The following PEX14 variants were observed in gnomAD, a reference collection of about 807,000 sequenced individuals.
PEX14 encodes peroxisomal biogenesis factor 14, also known as peroxisomal membrane protein PEX14.
A neutral mutation model predicts 49.5 loss-of-function variants in PEX14; 15 were observed. The observed-to-expected ratio is 0.30, with a 90% CI of 0.20 to 0.47. The LOEUF (loss-of-function observed/expected upper bound fraction) is 0.47, where lower values mean the gene tolerates loss of function less well. Among genes scored for constraint, PEX14 ranks in the 20% least tolerant of loss-of-function variants. PEX14 has a pLI of 1.00. For synonymous variants in PEX14, 210 were observed against 212.7 expected, an observed-to-expected ratio of 0.99 and a Z score of 0.11; for missense variants, 398 against 494.8, an observed-to-expected ratio of 0.80 and a Z score of 1.86.
Position 10,558,952 on chromosome 1 carries a change from T to G in PEX14, c.169+22655T>G, listed in dbSNP as rs1472114493. On this transcript the variant is annotated intron_variant, in intron 3 of 8. Coordinates refer to ENST00000356607, the MANE Select transcript of PEX14 (RefSeq NM_004565.3). The stretch of plus-strand genomic sequence containing the variant: ...TTAATTTATTCTTCTTGCTTTAGGA[T>G]ATTTATTTCCATTATATTTTCTAAT... Among the ~76,000 whole-genome samples the G allele has an allele frequency of 4.6e-5, 7 of 152,272 alleles. No individual in the cohort carries two copies. The South Asian group carries it at 6.2e-4, about 14-fold the overall frequency.
rs1641571867 is a variant in PEX14, at chr1:10,620,976, C to CA, written c.385-2042dup. 2.0e-5 allele frequency among the ~76,000 whole-genome samples: 3 copies of CA among 152,336 alleles called. No homozygotes were observed. The South Asian group carries it at 6.2e-4, about 32-fold the overall frequency. On this transcript the variant is annotated intron_variant, in intron 5 of 8. Transcript: ENST00000356607. ...GGCTGTAATGAGCAGTAGGCACTGT[C>CA]ACATGGCCACCCATGGAGGGCCTGT...
intron 2 of PEX14, among the ~76,000 whole-genome samples, chr1:10,505,212 G>A (rs1225544399): frequency 6.6e-6 from 1 of 152,182 alleles, no homozygotes; most frequent in Non-Finnish European, 1.5e-5. Flanking sequence ...GCTCACACCT[G>A]TAATCCCAGC....
rs1414084032 is a variant in PEX14 at position 10,624,444 on chromosome 1, GTC to G, written c.585+11_585+12del. 5 of 1,588,110 alleles carry G rather than the reference GTC, an allele frequency of 3.1e-6. No homozygotes were observed. In the East Asian group the frequency reaches 6.7e-5, roughly 21 times the overall value. On this transcript the variant is annotated splice_region_variant and intron_variant, in intron 7 of 8. Coordinates refer to ENST00000356607, the MANE Select transcript of PEX14 (RefSeq NM_004565.3). ...CGAGCTGGCCGCTGCCAAGGTACCTGTCTCTGCTGCACAGGGCCCTCCAGGCC... is the reference window on the plus strand; with the variant it reads ...CGAGCTGGCCGCTGCCAAGGTACCTGTCTGCTGCACAGGGCCCTCCAGGCC...
intron 2 of PEX14, among the ~76,000 whole-genome samples, chr1:10,518,373 G>A (rs1642007594): frequency 6.6e-6 from 1 of 152,136 alleles, no homozygotes; most frequent in South Asian, 2.1e-4. Flanking sequence ...TGGCAAACCC[G>A]ATGCCAGGGG....
intron 3 of PEX14, among the ~76,000 whole-genome samples, chr1:10,555,630 C>T (rs1409648397): frequency 9.9e-5 from 10 of 101,116 alleles, no homozygotes; most frequent in African/African-American, 3.0e-4. Context: ...AGAGCAGAGC[C>T]GGCAAGGTGT....
chr1:10,625,493 A>G (rs1317258711), intron 7 of PEX14, among the ~76,000 whole-genome samples: 1 of 152,218 alleles, frequency 6.6e-6, no homozygotes, highest in Non-Finnish European at 1.5e-5. Flanking sequence ...CAATCTTTCC[A>G]TGGAGTCTGG....
chr1:10,511,085 GCAGAGCT>G (rs59003011), intron 2 of PEX14, among the ~76,000 whole-genome samples: 38,475 of 151,908 alleles, frequency 0.25, 5,329 homozygotes, highest in Admixed American at 0.33. Context: ...TGTGCAGGCA[GCAGAGCT>G]GCTGGTTTGT....
At chr1:10,621,774 C>T (rs749971239) in intron 5 of PEX14, among the ~76,000 whole-genome samples, 81 of 152,130 alleles carry the variant, frequency 5.3e-4, no homozygotes, top group Non-Finnish European at 8.5e-4. Flanking sequence ...ATAGAAAATG[C>T]GTCTATACAT....
rs1239987165 is a variant in PEX14 at position 10,539,315 on chromosome 1, C to A, written c.169+3018C>A. ...AGATCTCTTTCGGATGCTTTAAAATCTGAACATGGAGCCATTAATGAGAAA... is the reference window on the plus strand; with the variant it reads ...AGATCTCTTTCGGATGCTTTAAAATATGAACATGGAGCCATTAATGAGAAA... On this transcript the variant is annotated intron_variant, in intron 3 of 8. Coordinates refer to ENST00000356607, the MANE Select transcript of PEX14 (RefSeq NM_004565.3). The surrounding 1 kb of genome is among the most constrained non-coding windows in gnomAD (Gnocchi z 4.6). Among the ~76,000 whole-genome samples, 3 of 152,080 alleles carry A rather than the reference C, an allele frequency of 2.0e-5. No homozygotes were observed. Among genetic ancestry groups the A allele is most frequent in the African/African-American group, 7.2e-5 (3 of 41,388 alleles).
rs1641895775 is a variant in PEX14, at chr1:10,512,132, G to A, written c.84+16811G>A. Among the ~76,000 whole-genome samples the A allele has an allele frequency of 6.6e-6, 1 of 151,986 alleles. No individual in the cohort carries two copies. The highest frequency in any genetic ancestry group is 2.1e-4 in the South Asian group (1 of 4,814). ...CTGCCCCCACGCTCGGCTAATTTTG[G>A]TATTTTTAGTAGAGACAGGGTTTCA... On this transcript the variant is annotated intron_variant, in intron 2 of 8. Coordinates refer to ENST00000356607, the MANE Select transcript of PEX14 (RefSeq NM_004565.3). The surrounding 1 kb of genome is among the most constrained non-coding windows in gnomAD (Gnocchi z 4.6).
rs77708037 is a variant in PEX14, at chr1:10,588,997, G to A, written c.170-10241G>A. 9.3e-3 allele frequency among the ~76,000 whole-genome samples: 1,422 copies of A among 152,304 alleles called. 6 individuals are homozygous for A. Among genetic ancestry groups the A allele is most frequent in the Non-Finnish European group, 0.015 (998 of 68,034 alleles). On this transcript the variant is annotated intron_variant, in intron 3 of 8. Coordinates refer to ENST00000356607, the MANE Select transcript of PEX14 (RefSeq NM_004565.3). ...CTGTGGTTTCAGGCATTCGCTGAGTGTCTTGGAATGAATCCCCCCACAGAT... is the reference window on the plus strand; with the variant it reads ...CTGTGGTTTCAGGCATTCGCTGAGTATCTTGGAATGAATCCCCCCACAGAT...
At chr1:10,563,747 C>T (rs932943358) in intron 3 of PEX14, among the ~76,000 whole-genome samples, 2 of 151,926 alleles carry the variant, frequency 1.3e-5, no homozygotes, top group African/African-American at 4.8e-5. Flanking sequence ...CCCGTCTCTA[C>T]TAAAAATGCA....
At position 10,591,091 on chromosome 1, in the gene PEX14, A is replaced by G. The variant is rs72641432; in HGVS notation, c.170-8147A>G. Among the ~76,000 whole-genome samples the G allele has an allele frequency of 8.3e-3, 1,269 of 152,326 alleles. 9 individuals carry two copies. The highest frequency in any genetic ancestry group is 0.011 in the Non-Finnish European group (745 of 68,020). Reference sequence around the variant, plus strand: ...ATCAGGCTGTTTCAAAGAACATATGAGACGGCGTATGGCTAGCCCTCCCAT... The same window carrying G: ...ATCAGGCTGTTTCAAAGAACATATGGGACGGCGTATGGCTAGCCCTCCCAT... On this transcript the variant is annotated intron_variant, in intron 3 of 8. Transcript: ENST00000356607.
intron 1 of PEX14, among the ~76,000 whole-genome samples, chr1:10,490,700 CT>C (rs34914348): frequency 0.024 from 3,223 of 132,572 alleles, 101 homozygotes; most frequent in African/African-American, 0.079. Context: ...GTTTCTAAGC[CT>C]TTTTTTTTTT....
At position 10,593,157 on chromosome 1, in the gene PEX14, AT is replaced by A. The variant is rs141454546; in HGVS notation, c.170-6078del. ...GTCTTTGTGTTTATTTTTCTTCCAC[AT>A]TTAATGTATTTAAAGGATATATTGT... On this transcript the variant is annotated intron_variant, in intron 3 of 8. Coordinates refer to ENST00000356607, the MANE Select transcript of PEX14 (RefSeq NM_004565.3). Among the ~76,000 whole-genome samples the A allele has an allele frequency of 6.5e-3, 994 of 152,260 alleles. 16 individuals are homozygous for A. Among genetic ancestry groups the A allele is most frequent in the African/African-American group, 0.023 (936 of 41,542 alleles).
intron 3 of PEX14, among the ~76,000 whole-genome samples, chr1:10,567,637 C>T (rs956073449): frequency 6.6e-5 from 10 of 151,954 alleles, no homozygotes; most frequent in East Asian, 1.9e-4. Flanking sequence ...TGGGATTACA[C>T]GCATGCACCA....
intron 3 of PEX14, among the ~76,000 whole-genome samples, chr1:10,553,924 T>G (rs995672205): frequency 3.9e-5 from 6 of 152,162 alleles, no homozygotes; most frequent in African/African-American, 1.4e-4. Context: ...TGACCTTGCA[T>G]GCACCTCGGT....
rs374220291 is a variant in PEX14 at position 10,503,247 on chromosome 1, A to T, written c.84+7926A>T. On this transcript the variant is annotated intron_variant, in intron 2 of 8. Transcript: ENST00000356607. ...CAGTGAGCTGAGATTGTGCCACTGC[A>T]CTCCAGCCTGGGCAACAGAGCAAGA... 3.6e-4 allele frequency among the ~76,000 whole-genome samples: 46 copies of T among 129,230 alleles called. No homozygotes were observed. In the East Asian group the frequency reaches 8.5e-3, roughly 24 times the overall value. The allele number at this position is 129,230 out of a possible 152,430, so 84.8% of individuals were successfully genotyped here.
At chr1:10,588,807 A>G (rs564130701) in intron 3 of PEX14, among the ~76,000 whole-genome samples, 2 of 152,344 alleles carry the variant, frequency 1.3e-5, no homozygotes, top group African/African-American at 2.4e-5. Flanking sequence ...GAGAAGCCGT[A>G]AAGTGCTTCC....
Sources: gnomAD v4.1 joint callset for allele counts (sites outside exome capture counted in the v4.1 genomes callset) on GRCh38, gnomAD v4.1.1 for gene constraint, Gnocchi (gnomAD v3.1) non-coding constraint, MANE v1.5 for transcripts, NCBI Gene and HGNC (gene_info 2026-07-23, HGNC 2026-07-21) for gene names.